The following TNRC6C variants were observed in gnomAD, a reference collection of about 807,000 sequenced individuals.
The protein encoded by TNRC6C is trinucleotide repeat-containing gene 6C protein.
A neutral mutation model predicts 153.7 loss-of-function variants in TNRC6C; 20 were observed. The ratio of observed to expected loss-of-function variants is 0.13; its 90% confidence interval spans 0.09 to 0.19. The LOEUF (loss-of-function observed/expected upper bound fraction) is 0.19. Among genes scored for constraint, TNRC6C ranks in the 10% least tolerant of loss-of-function variants. The pLI is 1.00. For missense variants in TNRC6C, 1,987 were observed against 2,172.0 expected, an observed-to-expected ratio of 0.91 and a Z score of 1.69; for synonymous variants, 811 against 841.4, an observed-to-expected ratio of 0.96 and a Z score of 0.63.
intron 1 of TNRC6C, among the ~76,000 whole-genome samples, chr17:78,014,179 G>C (rs1052565519): frequency 6.6e-6 from 1 of 152,138 alleles, no homozygotes; most frequent in Non-Finnish European, 1.5e-5. Flanking sequence ...ATGAGATTTA[G>C]GATTTGCCAT....
In TNRC6C at chr17:78,079,398, C is replaced by G; in HGVS notation, c.3214C>G (p.Pro1072Ala). The change falls in exon 10 of 20, where the codon CCG (proline) becomes GCG (alanine). Residue 1072 changes from proline (P) to alanine (A), a missense_variant. Transcript: ENST00000301624. The surrounding 1 kb of genome is among the most constrained non-coding windows in gnomAD (Gnocchi z 4.3). ...GTTTAATTCTGTCCCTGTGCAGATA[C>G]CGAGTGGCAATCTGGGTATGTTTGG... The G allele has an allele frequency of 1.9e-6, 3 of 1,613,854 alleles. No individual in the cohort carries two copies. The highest frequency in any genetic ancestry group is 2.5e-6 in the Non-Finnish European group (3 of 1,179,820).
Position 78,104,589 on chromosome 17 carries a change from A to G in TNRC6C, c.4817A>G (p.Gln1606Arg). ...GCGCTGCCACCCACTTCCAGCTGGCAGTCCAGCAGCGCGTCCAGCCAGCCG... is the reference window on the plus strand; with the variant it reads ...GCGCTGCCACCCACTTCCAGCTGGCGGTCCAGCAGCGCGTCCAGCCAGCCG... Residue 1606 changes from glutamine to arginine, a missense_variant, in exon 20 of 20, where the codon CAG becomes CGG. Gln to Arg is a conservative substitution (Grantham distance 43). Transcript: ENST00000301624. The surrounding 1 kb of genome is among the most constrained non-coding windows in gnomAD (Gnocchi z 6.2). The G allele has an allele frequency of 1.3e-6, 2 of 1,553,384 alleles. No individual in the cohort carries two copies. The highest frequency in any genetic ancestry group is 2.4e-5 in the East Asian group (1 of 41,134).
chr17:77,994,066 G>A (rs1288431272), intron 1 of TNRC6C, among the ~76,000 whole-genome samples: 1 of 152,098 alleles, frequency 6.6e-6, no homozygotes, highest in African/African-American at 2.4e-5. Context: ...TGTGGTGCAT[G>A]CCTGTAATCC....
intron 3 of TNRC6C, among the ~76,000 whole-genome samples, chr17:78,062,672 A>G (rs1325245495): frequency 3.3e-5 from 5 of 152,246 alleles, no homozygotes. Flanking sequence ...GAAAAATAAA[A>G]TTGACCTATG....
chr17:78,013,567 T>G (rs1289189735), intron 1 of TNRC6C, among the ~76,000 whole-genome samples: 1 of 152,162 alleles, frequency 6.6e-6, no homozygotes, highest in African/African-American at 2.4e-5. Context: ...GAGATACACT[T>G]CCCACTCTCA....
chr17:77,970,214 G>A (rs2070929950), intron 1 of TNRC6C, among the ~76,000 whole-genome samples: 1 of 152,198 alleles, frequency 6.6e-6, no homozygotes. Context: ...CCAGTTGGAA[G>A]GATAACAGTT....
chr17:78,009,233 G>A (rs1009742073), intron 1 of TNRC6C, among the ~76,000 whole-genome samples: 6 of 152,134 alleles, frequency 3.9e-5, no homozygotes, highest in African/African-American at 1.4e-4. Flanking sequence ...ACCATAATGA[G>A]TAATCAGTTT....
intron 1 of TNRC6C, among the ~76,000 whole-genome samples, chr17:78,022,386 G>A (rs927696371): frequency 2.0e-5 from 3 of 152,204 alleles, no homozygotes; most frequent in African/African-American, 7.2e-5. Flanking sequence ...AAAATGGACT[G>A]ATAACATTCA....
At chr17:78,010,337 C>T (rs2071604122) in intron 1 of TNRC6C, among the ~76,000 whole-genome samples, 1 of 152,142 alleles carries the variant, frequency 6.6e-6, no homozygotes, top group Non-Finnish European at 1.5e-5. Context: ...CATAGTCTTC[C>T]AGTAGTCTTC....
At chr17:77,972,306 A>G (rs974400068) in intron 1 of TNRC6C, among the ~76,000 whole-genome samples, 1 of 152,202 alleles carries the variant, frequency 6.6e-6, no homozygotes, top group Admixed American at 6.5e-5. Context: ...TGAAGTCAGG[A>G]GTTCAAGACC....
intron 9 of TNRC6C, 175 bp downstream of exon 11, chr17:78,077,509 G>A (rs1274733522): frequency 1.3e-6 from 1 of 779,348 alleles, no homozygotes; most frequent in East Asian, 2.7e-5. Context: ...GGAGTCAAGA[G>A]TTGAAGTAGG....
exon 20 of TNRC6C, chr17:78,107,224 T>C (rs1488151864): frequency 6.6e-6 from 1 of 152,182 alleles, no homozygotes; most frequent in Non-Finnish European, 1.5e-5. Flanking sequence ...AGAATATGTT[T>C]GTTTGTTTTT....
chr17:78,098,398 A>T (rs1388066694), exon 17 of TNRC6C: 1 of 1,613,694 alleles, frequency 6.2e-7, no homozygotes, highest in Non-Finnish European at 8.5e-7. Context: ...CCCACACGCA[A>T]GCCTCTCTGT....
chr17:77,957,815 G>T (rs568059903), upstream of TNRC6C, among the ~76,000 whole-genome samples: 1 of 152,258 alleles, frequency 6.6e-6, no homozygotes, highest in Non-Finnish European at 1.5e-5. Context: ...ATATCGAGGA[G>T]CCGTGGAATG....
chr17:78,006,497 TC>T (rs1251356414), intron 1 of TNRC6C, among the ~76,000 whole-genome samples: 5 of 12,418 alleles, frequency 4.0e-4, no homozygotes, highest in African/African-American at 1.4e-3. Flanking sequence ...TCTTCTTTCT[TC>T]TTCTTCTTCT....
intron 1 of TNRC6C, among the ~76,000 whole-genome samples, chr17:77,990,743 G>C (rs1186638427): frequency 6.6e-6 from 1 of 152,168 alleles, no homozygotes; most frequent in Non-Finnish European, 1.5e-5. Flanking sequence ...TATGGCCTCA[G>C]TATAATGTTT....
intron 7 of TNRC6C, 59 bp downstream of exon 9, chr17:78,073,153 A>G: frequency 2.1e-6 from 3 of 1,433,190 alleles, no homozygotes; most frequent in South Asian, 1.2e-5. Flanking sequence ...TACTTTCCAG[A>G]AGCATTTGAT....
At chr17:77,974,939 G>A (rs1040983513) in intron 1 of TNRC6C, among the ~76,000 whole-genome samples, 1 of 152,146 alleles carries the variant, frequency 6.6e-6, no homozygotes, top group Non-Finnish European at 1.5e-5. Context: ...AGGTAAATGA[G>A]CAAGGGAAAA....
chr17:78,065,912 AGATTACT>A (rs1008674066), intron 4 of TNRC6C, among the ~76,000 whole-genome samples: 2 of 152,152 alleles, frequency 1.3e-5, no homozygotes, highest in African/African-American at 2.4e-5. Context: ...CATGAGTATA[AGATTACT>A]GATTTAAATC....
Sources: allele counts gnomAD v4.1 joint callset (sites outside exome capture counted in the v4.1 genomes callset), GRCh38; gene constraint gnomAD v4.1.1; non-coding constraint Gnocchi (gnomAD v3.1); transcripts MANE v1.5; gene names NCBI Gene and HGNC (gene_info 2026-07-23, HGNC 2026-07-21).